TEX2: variants seen among roughly 807,000 people sequenced by gnomAD.
The protein encoded by TEX2 is testis expressed 2, also known as testis-expressed protein 2.
TEX2 carries 53 observed loss-of-function variants against 106.9 expected under a neutral mutation model. The observed-to-expected ratio is 0.50, with a 90% CI of 0.40 to 0.62. The LOEUF (loss-of-function observed/expected upper bound fraction) is 0.62, where lower values mean the gene tolerates loss of function less well. Ranked by LOEUF, TEX2 falls within the 20% of genes least tolerant of loss-of-function variation. The pLI is 0.00. For missense variants in TEX2, 1,207 were observed against 1,379.0 expected (o/e 0.88, Z 1.98); for synonymous variants, 523 against 534.8 (o/e 0.98, Z 0.30).
Position 64,177,735 on chromosome 17 carries a change from C to T in TEX2, c.2425-264G>A, listed in dbSNP as rs190239475. On this transcript the variant is annotated intron_variant, in intron 5 of 11. Transcript: ENST00000584379. Reference sequence around the variant, plus strand: ...CCTGTAAACCAGCTAATATTTCATACTATTAGCTTAGCCAAACTGCTCTGC... The same window carrying T: ...CCTGTAAACCAGCTAATATTTCATATTATTAGCTTAGCCAAACTGCTCTGC... Among the ~76,000 whole-genome samples the T allele has an allele frequency of 6.6e-5, 10 of 152,298 alleles. No individual in the cohort carries two copies. The East Asian group carries it at 1.9e-3, about 29-fold the overall frequency.
At chr17:64,250,459 C>T (rs1408266171) in intron 1 of TEX2, among the ~76,000 whole-genome samples, 2 of 152,232 alleles carry the variant, frequency 1.3e-5, no homozygotes, top group Admixed American at 1.3e-4. Flanking sequence ...AAGTCCAACA[C>T]ACACACTTCC....
intron 2 of TEX2, among the ~76,000 whole-genome samples, chr17:64,197,703 T>TA (rs1483793766): frequency 1.3e-5 from 2 of 152,256 alleles, no homozygotes; most frequent in African/African-American, 2.4e-5. Flanking sequence ...GGGCTACAGA[T>TA]ACGTGTCACT....
intron 2 of TEX2, among the ~76,000 whole-genome samples, chr17:64,199,514 G>A (rs2032588414): frequency 6.6e-6 from 1 of 152,184 alleles, no homozygotes; most frequent in Non-Finnish European, 1.5e-5. Context: ...TGGGATTACA[G>A]GCGTGAGCCA....
At chr17:64,173,578 G>A (rs1180208044) in intron 6 of TEX2, among the ~76,000 whole-genome samples, 6 of 152,138 alleles carry the variant, frequency 3.9e-5, no homozygotes, top group South Asian at 2.1e-4. Flanking sequence ...CGAACAAAAC[G>A]TGAGTAGACA....
rs1012429354 is a variant in TEX2 at position 64,227,006 on chromosome 17, T to C, written c.-25-12764A>G. ...TCTTTGGGAGGTCGAGGCAGGCAGA[T>C]CACAAGGTCAAGAGATCGAGACCAT... On this transcript the variant is annotated intron_variant, in intron 1 of 11. Transcript: ENST00000584379. Among the ~76,000 whole-genome samples, 6 of 152,026 alleles carry C rather than the reference T, an allele frequency of 3.9e-5. No individual in the cohort carries two copies. The East Asian group carries it at 1.2e-3, about 29-fold the overall frequency.
chr17:64,237,110 A>G (rs1424740300), intron 1 of TEX2, among the ~76,000 whole-genome samples: 2 of 152,208 alleles, frequency 1.3e-5, no homozygotes, highest in Non-Finnish European at 2.9e-5. Context: ...TCCGTTTTGA[A>G]TATTAATCAC....
chr17:64,180,240 T>A (rs1229914524), intron 5 of TEX2, among the ~76,000 whole-genome samples: 1 of 152,210 alleles, frequency 6.6e-6, no homozygotes, highest in African/African-American at 2.4e-5. Flanking sequence ...CTTTTTCCCT[T>A]CCCTAGAGGG....
At chr17:64,252,731 C>T (rs1169439538) in intron 1 of TEX2, among the ~76,000 whole-genome samples, 1 of 152,130 alleles carries the variant, frequency 6.6e-6, no homozygotes, top group African/African-American at 2.4e-5. Context: ...TCTAATGGGT[C>T]AGATACGAAG....
At chr17:64,203,438 T>A (rs1555630359) in intron 2 of TEX2, among the ~76,000 whole-genome samples, 2 of 152,214 alleles carry the variant, frequency 1.3e-5, no homozygotes. Context: ...GTAATTACTC[T>A]CTGTCTCCAA....
chr17:64,149,955 A>G (rs1318145097), intron 11 of TEX2: 1 of 151,794 alleles, frequency 6.6e-6, no homozygotes, highest in African/African-American at 2.4e-5. Flanking sequence ...AAAGGGAAAA[A>G]TAAAAGGCAT....
chr17:64,180,372 T>C (rs571756854), intron 5 of TEX2, among the ~76,000 whole-genome samples: 1 of 152,342 alleles, frequency 6.6e-6, no homozygotes, highest in South Asian at 2.1e-4. Flanking sequence ...TGGCATATGA[T>C]GTGGTAAACA....
At chr17:64,170,518 A>C (rs1213396688) in intron 7 of TEX2, among the ~76,000 whole-genome samples, 1 of 150,474 alleles carries the variant, frequency 6.6e-6, no homozygotes, top group African/African-American at 2.4e-5. Context: ...CTACAAAAGC[A>C]CAGGCCCCAT....
intron 11 of TEX2, chr17:64,150,074 G>A (rs1417069507): frequency 1.3e-5 from 2 of 152,124 alleles, no homozygotes; most frequent in Admixed American, 6.5e-5. Flanking sequence ...TTTTAAATAA[G>A]AGGATTTTTT....
chr17:64,197,265 A>C (rs1555629485), intron 2 of TEX2, among the ~76,000 whole-genome samples: 1 of 151,974 alleles, frequency 6.6e-6, no homozygotes, highest in African/African-American at 2.4e-5. Context: ...TTTTCCTTGC[A>C]GAAAGGTCCC....
Position 64,194,887 on chromosome 17 carries a change from A to C in TEX2, c.1845+8T>G, listed in dbSNP as rs1457312969. 6.2e-7 allele frequency: 1 copy of C among 1,613,960 alleles called. No homozygotes were observed. The highest frequency in any genetic ancestry group is 1.1e-5 in the South Asian group (1 of 91,060). On this transcript the variant is annotated splice_region_variant and intron_variant, in intron 3 of 11. Coordinates refer to ENST00000584379, the MANE Select transcript of TEX2 (RefSeq NM_001288732.2). ...CTAAGCTATCCTTCCAAAATTGCTC[A>C]GGCTCACCTTGCTGTCTGAGAGGTC...
At chr17:64,259,195 CA>C (rs1555638188) in intron 1 of TEX2, among the ~76,000 whole-genome samples, 1 of 152,186 alleles carries the variant, frequency 6.6e-6, no homozygotes. Flanking sequence ...GTGAAACTGT[CA>C]GGACTGTAGC....
intron 6 of TEX2, among the ~76,000 whole-genome samples, chr17:64,174,461 C>T (rs537213314): frequency 6.6e-6 from 1 of 152,282 alleles, no homozygotes; most frequent in South Asian, 2.1e-4. Flanking sequence ...GACCCCAGAA[C>T]ATCTATAACC....
At chr17:64,180,329 CAA>C (rs2031804060) in intron 5 of TEX2, among the ~76,000 whole-genome samples, 1 of 152,092 alleles carries the variant, frequency 6.6e-6, no homozygotes, top group African/African-American at 2.4e-5. Flanking sequence ...TAGCAAGAAA[CAA>C]AGGCTATTTC....
intron 8 of TEX2, chr17:64,155,470 C>T (rs1050597075): frequency 6.6e-6 from 1 of 152,382 alleles, no homozygotes; most frequent in African/African-American, 2.4e-5. Flanking sequence ...GGCTTAGTAA[C>T]CCTCCAAGTG....
Sources: allele counts gnomAD v4.1 joint callset (sites outside exome capture counted in the v4.1 genomes callset), GRCh38; gene constraint gnomAD v4.1.1; transcripts MANE v1.5; gene names NCBI Gene and HGNC (gene_info 2026-07-23, HGNC 2026-07-21).